Variants in SMAD4 observed in about 807,000 individuals in gnomAD.
SMAD4 encodes MAD homolog 4.
A neutral mutation model predicts 63.2 loss-of-function variants in SMAD4; 7 were observed. The ratio of observed to expected loss-of-function variants is 0.11; its 90% CI spans 0.06 to 0.21. The LOEUF (loss-of-function observed/expected upper bound fraction) is 0.21. Ranked by LOEUF, SMAD4 falls within the 10% of genes least tolerant of loss-of-function variation. The pLI, the probability that SMAD4 is intolerant of heterozygous loss-of-function variation, is 1.00. For synonymous variants in SMAD4, 215 were observed against 235.4 expected, an observed-to-expected ratio of 0.91 and a Z score of 0.79; for missense variants, 312 against 693.8, an observed-to-expected ratio of 0.45 and a Z score of 6.18.
At chr18:51,059,770 C>T in intron 7 of SMAD4, 96 bp from the exon 8 acceptor site, 4 of 904,204 alleles carry the variant, frequency 4.4e-6, no homozygotes, top group Non-Finnish European at 7.3e-6. Flanking sequence ...CAATTCCTAA[C>T]CTATAATAGT....
At chr18:51,073,049 T>A (rs1361107642) in intron 10 of SMAD4, among the ~76,000 whole-genome samples, 1 of 152,008 alleles carries the variant, frequency 6.6e-6, no homozygotes. Context: ...AGTGCTATAA[T>A]TACGTAAATA....
intron 9 of SMAD4, among the ~76,000 whole-genome samples, chr18:51,066,035 A>G (rs1910140368): frequency 7.1e-6 from 1 of 141,826 alleles, no homozygotes; most frequent in Non-Finnish European, 1.6e-5. Context: ...CCTTTTTTAT[A>G]CAGTCATTAA....
chr18:51,068,777 TG>T (rs1475583808), intron 10 of SMAD4, among the ~76,000 whole-genome samples: 1 of 151,770 alleles, frequency 6.6e-6, no homozygotes, highest in African/African-American at 2.4e-5. Context: ...AAAAATTAGC[TG>T]GGTGTGGTGG....
chr18:51,060,044 AGT>A (rs1909965559), intron 8 of SMAD4, 128 bp downstream of exon 8: 2 of 739,748 alleles, frequency 2.7e-6, no homozygotes, highest in African/African-American at 3.4e-5. Context: ...TCATGACATG[AGT>A]TAATCAACAG....
At chr18:51,057,417 A>G (rs1489508873) in intron 5 of SMAD4, among the ~76,000 whole-genome samples, 3 of 152,202 alleles carry the variant, frequency 2.0e-5, no homozygotes, top group East Asian at 1.9e-4. Context: ...CTCTTGGTAT[A>G]TTACATACAG....
chr18:51,055,104 G>A (rs117682027), intron 5 of SMAD4, 111 bp downstream of exon 5: 2 of 819,438 alleles, frequency 2.4e-6, no homozygotes, highest in Non-Finnish European at 4.3e-6. Context: ...AAAAGTAACT[G>A]TAGTATCTTT....
At position 51,046,996 on chromosome 18, in the gene SMAD4, T is replaced by C. The variant is rs369978812; in HGVS notation, c.-51T>C. The C allele has an allele frequency of 8.5e-5, 134 of 1,573,584 alleles. No individual in the cohort carries two copies. The highest frequency in any genetic ancestry group is 1.0e-4 in the Non-Finnish European group (120 of 1,143,908). Reference sequence around the variant, plus strand: ...TTTCACTGTTTCCAAAGGATCAAAATTGCTTCAGAAATTGGAGACATATTT... The same window carrying C: ...TTTCACTGTTTCCAAAGGATCAAAACTGCTTCAGAAATTGGAGACATATTT... On this transcript the variant is annotated 5_prime_UTR_variant, in exon 2 of 12. Transcript: ENST00000342988.
At position 51,046,976 on chromosome 18, in the gene SMAD4, C is replaced by T. The variant is rs2144399685; in HGVS notation, c.-71C>T. 1.4e-6 allele frequency: 2 copies of T among 1,437,690 alleles called. No homozygotes were observed. The highest frequency in any genetic ancestry group is 2.3e-5 in the East Asian group (1 of 43,766). 89.1% of individuals were successfully genotyped at this position (1,437,690 alleles called of 1,614,324 possible). On this transcript the variant is annotated 5_prime_UTR_variant, in exon 2 of 12. Transcript: ENST00000342988. ...TTGCAACGTTAGCTGTTGTTTTTCA[C>T]TGTTTCCAAAGGATCAAAATTGCTT...
chr18:51,071,995 A>G (rs1044635776), intron 10 of SMAD4, among the ~76,000 whole-genome samples: 1 of 152,222 alleles, frequency 6.6e-6, no homozygotes, highest in African/African-American at 2.4e-5. Context: ...CATTTTGTTC[A>G]TCAGTTTATC....
chr18:51,042,648 G>T (rs905141630), intron 1 of SMAD4, among the ~76,000 whole-genome samples: 1 of 151,854 alleles, frequency 6.6e-6, no homozygotes, highest in Non-Finnish European at 1.5e-5. Context: ...CAACCATGTC[G>T]GCCTCTTAAA....
At position 51,054,931 on chromosome 18, in the gene SMAD4, C is replaced by T. The variant is rs2144419222; in HGVS notation, c.605C>T (p.Ala202Val). Residue 202 changes from alanine to valine, a missense_variant, in exon 5 of 12, where the codon GCC (alanine) becomes GTC (valine). Ala to Val is a moderately conservative substitution (Grantham distance 64). Transcript: ENST00000342988. ...ACATACAGCACCCCAGCTCTGTTAG[C>T]CCCATCTGAGTCTAATGCTACCAGC... ...TETYSTPALL[A>V]PSESNATSTA... The T allele has an allele frequency of 6.2e-7, 1 of 1,614,076 alleles. No homozygotes were observed. Among genetic ancestry groups the T allele is most frequent in the East Asian group, 2.2e-5 (1 of 44,874 alleles).
rs1910551610 is a variant in SMAD4, at chr18:51,079,377, G to C, written c.*910G>C. 2 of 233,290 alleles carry C rather than the reference G, an allele frequency of 8.6e-6. No individual in the cohort carries two copies. The highest frequency in any genetic ancestry group is 1.7e-5 in the Non-Finnish European group (2 of 117,938). The allele number at this position is 233,290 out of a possible 1,614,324, so 14.5% of individuals were successfully genotyped here. A position where few individuals can be genotyped will look rare whatever the true frequency, so the allele number is the denominator to read the frequency against. ...CCTAATGTCTCACTGTTCTGCAAAG[G>C]TGGCAATGCTTAAACTAAATAATGA... On this transcript the variant is annotated 3_prime_UTR_variant, in exon 12 of 12. Coordinates refer to ENST00000342988, the MANE Select transcript of SMAD4 (RefSeq NM_005359.6).
At chr18:51,054,754 T>G (rs1429750023) in intron 4 of SMAD4, 27 bp from the exon 5 acceptor site, 2 of 1,539,266 alleles carry the variant, frequency 1.3e-6, no homozygotes, top group Admixed American at 1.7e-5. Context: ...TTATAAAAAT[T>G]TAAAATATGT....
chr18:51,068,596 A>G (rs1910232554), intron 10 of SMAD4, among the ~76,000 whole-genome samples: 1 of 152,200 alleles, frequency 6.6e-6, no homozygotes, highest in East Asian at 1.9e-4. Context: ...TTGATAGGAT[A>G]TCCATGTGTA....
intron 9 of SMAD4, 47 bp from the exon 10 acceptor site, chr18:51,066,972 T>G (rs1910176882): frequency 4.8e-6 from 7 of 1,454,624 alleles, no homozygotes; most frequent in Non-Finnish European, 6.7e-6. Context: ...AAAATTTAAT[T>G]TAAAATACTT....
At chr18:51,077,364 G>A (rs1910497210) in intron 11 of SMAD4, 41 of 984,182 alleles carry the variant, frequency 4.2e-5, no homozygotes, top group Non-Finnish European at 4.8e-5. Context: ...CATCTTCCAC[G>A]TCTGAAGGCA....
At chr18:51,038,283 A>G (rs927499055) in intron 1 of SMAD4, among the ~76,000 whole-genome samples, 3 of 152,140 alleles carry the variant, frequency 2.0e-5, no homozygotes, top group African/African-American at 7.2e-5. Context: ...AAGTGTGTCA[A>G]CACTGGGAAG....
At chr18:51,047,437 T>C (rs1909577642) in intron 2 of SMAD4, 142 bp downstream of exon 2, 1 of 733,464 alleles carries the variant, frequency 1.4e-6, no homozygotes, top group Non-Finnish European at 2.4e-6. Context: ...ATATGCATTA[T>C]GGGAATTTCT....
intron 1 of SMAD4, among the ~76,000 whole-genome samples, chr18:51,039,268 G>A (rs143382515): frequency 2.0e-5 from 3 of 152,240 alleles, no homozygotes; most frequent in Admixed American, 6.5e-5. Flanking sequence ...TAGTCATTCA[G>A]TTTCTGTTCA....
Sources: allele counts gnomAD v4.1 joint callset (sites outside exome capture counted in the v4.1 genomes callset), GRCh38; gene constraint gnomAD v4.1.1; transcripts MANE v1.5; gene names NCBI Gene and HGNC (gene_info 2026-07-23, HGNC 2026-07-21).